COL22A1: variants seen among roughly 807,000 people sequenced by gnomAD.
COL22A1 encodes the protein collagen type XXII alpha 1 chain.
COL22A1 carries 221 observed loss-of-function variants against 248.9 expected under a neutral mutation model. That is an observed-to-expected ratio of 0.89 (90% CI 0.80 to 0.99). The LOEUF (loss-of-function observed/expected upper bound fraction) is 0.99, where lower values mean the gene tolerates loss of function less well. Among genes scored for constraint, COL22A1 ranks in the 50% least tolerant of loss-of-function variants. COL22A1 has a pLI of 0.00. For missense variants in COL22A1, 2,240 were observed against 2,179.0 expected, an observed-to-expected ratio of 1.03 and a Z score of -0.56; for synonymous variants, 891 against 793.4, an observed-to-expected ratio of 1.12 and a Z score of -2.07.
At chr8:138,720,069 G>C (rs1383467716) in intron 27 of COL22A1, among the ~76,000 whole-genome samples, 1 of 152,176 alleles carries the variant, frequency 6.6e-6, no homozygotes, top group African/African-American at 2.4e-5. Flanking sequence ...ACTCCTGGAG[G>C]GGGCCTGGGC....
intron 3 of COL22A1, among the ~76,000 whole-genome samples, chr8:138,860,460 GC>G (rs1563854116): frequency 6.6e-6 from 1 of 152,154 alleles, no homozygotes; most frequent in African/African-American, 2.4e-5. Context: ...TGGATCTCAA[GC>G]TTTATTTAAA....
At chr8:138,861,500 C>T (rs891407117) in intron 3 of COL22A1, among the ~76,000 whole-genome samples, 2 of 152,230 alleles carry the variant, frequency 1.3e-5, no homozygotes, top group African/African-American at 4.8e-5. Context: ...TGCTGACATC[C>T]TGCAGGACTC....
At chr8:138,644,489 C>A (rs961541654) in intron 47 of COL22A1, among the ~76,000 whole-genome samples, 1 of 151,088 alleles carries the variant, frequency 6.6e-6, no homozygotes, top group African/African-American at 2.4e-5. Context: ...CTGTACAGAC[C>A]CCCTCTTGGC....
intron 1 of COL22A1, among the ~76,000 whole-genome samples, chr8:138,895,944 C>T (rs1178251578): frequency 6.6e-6 from 1 of 152,138 alleles, no homozygotes; most frequent in African/African-American, 2.4e-5. Flanking sequence ...AGTGGAAACA[C>T]AAATGACAGC....
chr8:138,762,030 C>G (rs1300867861), intron 17 of COL22A1, among the ~76,000 whole-genome samples: 4 of 152,194 alleles, frequency 2.6e-5, no homozygotes, highest in Non-Finnish European at 5.9e-5. Context: ...TGTGTCGATG[C>G]CTCCTGATTT....
chr8:138,796,787 T>C (rs186244878), intron 12 of COL22A1, 32 bp downstream of exon 12: 45 of 1,491,294 alleles, frequency 3.0e-5, no homozygotes, highest in Non-Finnish European at 3.8e-5. Context: ...TCCCATTCCC[T>C]TGGAGGAGTG....
chr8:138,671,872 A>G (rs1825062999), intron 41 of COL22A1, among the ~76,000 whole-genome samples: 1 of 152,196 alleles, frequency 6.6e-6, no homozygotes, highest in Non-Finnish European at 1.5e-5. Flanking sequence ...GATTTTTTTC[A>G]TAACTTTTTT....
chr8:138,800,750 G>A (rs987613847), intron 11 of COL22A1, among the ~76,000 whole-genome samples: 1 of 152,150 alleles, frequency 6.6e-6, no homozygotes, highest in Non-Finnish European at 1.5e-5. Context: ...GCTGATTCTG[G>A]TGGTTTCTCT....
intron 10 of COL22A1, among the ~76,000 whole-genome samples, chr8:138,803,397 C>G (rs1262409323): frequency 6.6e-6 from 1 of 152,114 alleles, no homozygotes; most frequent in Non-Finnish European, 1.5e-5. Flanking sequence ...AGTGTCCCAT[C>G]CAAGTACTAA....
intron 37 of COL22A1, 24 bp downstream of exon 37, chr8:138,688,893 G>T: frequency 6.2e-7 from 1 of 1,602,582 alleles, no homozygotes; most frequent in African/African-American, 1.3e-5. Context: ...TCACTTGTGT[G>T]CTGAGAGATC....
At chr8:138,643,609 T>TATAGATAGATAGATAG (rs57015617) in intron 47 of COL22A1, among the ~76,000 whole-genome samples, 5,227 of 146,580 alleles carry the variant, frequency 0.036, 148 homozygotes, top group African/African-American at 0.058. Context: ...CCCTATGCAA[T>TATAGATAGATAGATAG]ATAGATAGAT....
chr8:138,803,102 C>T (rs899902306), intron 10 of COL22A1, among the ~76,000 whole-genome samples, 168 bp from the exon 11 acceptor site: 3 of 152,186 alleles, frequency 2.0e-5, no homozygotes, highest in Non-Finnish European at 2.9e-5. Flanking sequence ...GAGGAGGAAG[C>T]ATCTAAGTCA....
At chr8:138,819,685 AATGT>A (rs1276181352) in intron 7 of COL22A1, among the ~76,000 whole-genome samples, 2 of 148,212 alleles carry the variant, frequency 1.3e-5, no homozygotes, top group Admixed American at 6.8e-5. Context: ...TTATGTCTAT[AATGT>A]ATGTATATGT....
intron 15 of COL22A1, chr8:138,778,050 T>C (rs1814633812): frequency 2.2e-6 from 1 of 464,426 alleles, no homozygotes; most frequent in Admixed American, 3.4e-5. Context: ...ATGAATTCTT[T>C]AGATCAAGTG....
chr8:138,855,770 T>C (rs1248111085), intron 3 of COL22A1, among the ~76,000 whole-genome samples: 6 of 152,198 alleles, frequency 3.9e-5, no homozygotes, highest in African/African-American at 1.4e-4. Context: ...ACCAATTCCT[T>C]TTCTGGAGGA....
In COL22A1 at chr8:138,889,320, C is replaced by T. The variant is rs903071388; in HGVS notation, c.-72-6076G>A. 2.6e-5 allele frequency among the ~76,000 whole-genome samples: 4 copies of T among 152,170 alleles called. 1 individual carries two copies. The highest frequency in any genetic ancestry group is 9.7e-5 in the African/African-American group (4 of 41,440). On this transcript the variant is annotated intron_variant, in intron 1 of 64. Transcript: ENST00000303045. ...AAAGACTTGGAACCAACCCAAATGT[C>T]CAACAATGATAGACTGGATTAAGAA... is the stretch of plus-strand genomic sequence containing the variant.
chr8:138,875,454 C>T (rs759721823), intron 3 of COL22A1, among the ~76,000 whole-genome samples: 3 of 152,196 alleles, frequency 2.0e-5, no homozygotes, highest in Non-Finnish European at 4.4e-5. Context: ...ACAAACAAAA[C>T]AGTGGGAAGG....
intron 21 of COL22A1, among the ~76,000 whole-genome samples, chr8:138,752,595 C>T (rs1307949763): frequency 6.6e-6 from 1 of 152,184 alleles, no homozygotes; most frequent in Non-Finnish European, 1.5e-5. Flanking sequence ...AAATAGCTGG[C>T]ATTGATCTAC....
In COL22A1 at chr8:138,878,011, C is replaced by T. The variant is rs1823876971; in HGVS notation, c.397G>A (p.Ala133Thr). Residue 133 changes from alanine to threonine, a missense_variant, in exon 3 of 65, where the codon GCC becomes ACC. Coordinates refer to ENST00000303045, the MANE Select transcript of COL22A1 (RefSeq NM_152888.3). ...GCGCGGTCCCTGGGGCGGCCGCCGGCGTGTGGGGAGAAGCTGCGGGCCGTG... is the reference window on the plus strand; with the variant it reads ...GCGCGGTCCCTGGGGCGGCCGCCGGTGTGTGGGGAGAAGCTGCGGGCCGTG... ...YITARSFSPH[A>T]GGRPRDRAYK... is the part of the protein sequence containing the mutation. The T allele has an allele frequency of 1.9e-6, 3 of 1,585,346 alleles. No homozygotes were observed. The highest frequency in any genetic ancestry group is 1.8e-5 in the Admixed American group (1 of 56,046).
Sources: gnomAD v4.1 joint callset for allele counts (sites outside exome capture counted in the v4.1 genomes callset) on GRCh38, gnomAD v4.1.1 for gene constraint, MANE v1.5 for transcripts, NCBI Gene and HGNC (gene_info 2026-07-23, HGNC 2026-07-21) for gene names.